Variants in ADGRV1 observed in about 807,000 individuals in gnomAD.
ADGRV1 encodes G-protein coupled receptor 98.
In ADGRV1, 359 loss-of-function variants were observed where a neutral mutation model predicts 596.2. The observed-to-expected ratio is 0.60, with a 90% CI of 0.55 to 0.66. The LOEUF is 0.66. Among genes scored for constraint, ADGRV1 ranks in the 30% least tolerant of loss-of-function variants. The probability of loss-of-function intolerance (pLI) is 0.00; values close to 1 mark genes in which losing one functional copy is unlikely to be tolerated. For missense variants in ADGRV1, 7,274 were observed against 7,575.6 expected, an observed-to-expected ratio of 0.96 and a Z score of 1.48; for synonymous variants, 2,681 against 2,679.2, an observed-to-expected ratio of 1.00 and a Z score of -0.02.
chr5:90,594,873 C>T (rs1038870067), intron 1 of ADGRV1, among the ~76,000 whole-genome samples: 197 of 150,608 alleles, frequency 1.3e-3, no homozygotes, highest in African/African-American at 4.3e-3. Context: ...AAAAGTCTCC[C>T]ATGTCTACTT....
intron 1 of ADGRV1, among the ~76,000 whole-genome samples, chr5:90,579,871 T>A (rs989736779): frequency 1.3e-5 from 2 of 152,230 alleles, no homozygotes; most frequent in African/African-American, 2.4e-5. Flanking sequence ...TGGCCTTCTT[T>A]GTCTCTTTTG....
chr5:90,716,434 T>C (rs1750117829), intron 42 of ADGRV1, 33 bp from the exon 43 acceptor site: 1 of 1,492,686 alleles, frequency 6.7e-7, no homozygotes, highest in East Asian at 2.3e-5. Context: ...TCTTCTATTT[T>C]CATTTGTTGC....
Position 90,840,834 on chromosome 5 carries a change from C to T in ADGRV1, c.16868C>T (p.Ala5623Val). ...GCCAACATCACTCTTGTCTCAGATGCAGATTCGCAGGCCATTTGGGGGCTT... is the reference window on the plus strand; with the variant it reads ...GCCAACATCACTCTTGTCTCAGATGTAGATTCGCAGGCCATTTGGGGGCTT... Reference protein sequence around the residue: ...GTANITLVSDADSQAIWGLAD... With the variant: ...GTANITLVSDVDSQAIWGLAD... Residue 5623 changes from alanine to valine, a missense_variant, in exon 78 of 90, where the codon GCA becomes GTA. This residue lies in a region of ADGRV1 where 1,874 missense variants were observed against 1,970.2 expected (regional missense o/e 0.95). Coordinates refer to ENST00000405460, the MANE Select transcript of ADGRV1 (RefSeq NM_032119.4). 6.2e-7 allele frequency: 1 copy of T among 1,613,526 alleles called. No homozygotes were observed. Among genetic ancestry groups the T allele is most frequent in the Non-Finnish European group, 8.5e-7 (1 of 1,179,528 alleles).
rs1269656595 is a variant in ADGRV1 at position 90,627,641 on chromosome 5, A to G, written c.1103A>G (p.Gln368Arg). 6.2e-7 allele frequency: 1 copy of G among 1,613,778 alleles called. No homozygotes were observed. The highest frequency in any genetic ancestry group is 8.5e-7 in the Non-Finnish European group (1 of 1,179,834). The part of the protein sequence containing the change: ...FHIMLLKDTL[Q>R]GDAVLISPSV... Reference sequence around the variant, plus strand: ...ATTATGTTACTAAAAGATACCTTACAGGGAGATGCTGTGCTAATAAGCCCT... The same window carrying G: ...ATTATGTTACTAAAAGATACCTTACGGGGAGATGCTGTGCTAATAAGCCCT... The change falls in exon 7 of 90, where the codon CAG becomes CGG. Residue 368 changes from glutamine to arginine, a missense_variant. This residue lies in a region of ADGRV1 where 1,715 missense variants were observed against 1,708.8 expected (regional missense o/e 1.00). Transcript: ENST00000405460.
intron 39 of ADGRV1, among the ~76,000 whole-genome samples, chr5:90,709,659 T>C (rs1749075680): frequency 6.6e-6 from 1 of 152,250 alleles, no homozygotes; most frequent in African/African-American, 2.4e-5. Flanking sequence ...AAGCTCACTG[T>C]GATAACTTTG....
chr5:90,809,526 G>A (rs1561778709), intron 73 of ADGRV1, among the ~76,000 whole-genome samples: 1 of 152,130 alleles, frequency 6.6e-6, no homozygotes, highest in Non-Finnish European at 1.5e-5. Context: ...TGTACTGAGT[G>A]CTGGCTGCTT....
At chr5:90,687,888 C>A (rs148882708) in intron 29 of ADGRV1, among the ~76,000 whole-genome samples, 5 of 151,892 alleles carry the variant, frequency 3.3e-5, no homozygotes, top group African/African-American at 1.2e-4. Context: ...CACTGCTCAA[C>A]GAAATAAAAG....
At chr5:90,921,272 ATTTTTTG>A (rs1364396658) in intron 83 of ADGRV1, among the ~76,000 whole-genome samples, 1 of 152,036 alleles carries the variant, frequency 6.6e-6, no homozygotes, top group Non-Finnish European at 1.5e-5. Flanking sequence ...TTTAGCACCT[ATTTTTTG>A]TTTTTTGTTT....
At chr5:90,890,654 C>T (rs1222711278) in intron 83 of ADGRV1, among the ~76,000 whole-genome samples, 1 of 152,094 alleles carries the variant, frequency 6.6e-6, no homozygotes, top group Non-Finnish European at 1.5e-5. Context: ...TACACGCCTC[C>T]TTACATATAA....
At chr5:90,897,154 C>T (rs945365960) in intron 83 of ADGRV1, among the ~76,000 whole-genome samples, 3 of 152,212 alleles carry the variant, frequency 2.0e-5, no homozygotes, top group African/African-American at 7.2e-5. Context: ...GAATACAAAA[C>T]ATCACTGAGC....
intron 77 of ADGRV1, among the ~76,000 whole-genome samples, chr5:90,830,697 G>A (rs1336958070): frequency 6.6e-6 from 1 of 152,126 alleles, no homozygotes; most frequent in Non-Finnish European, 1.5e-5. Flanking sequence ...ATATTTTTAG[G>A]AATTTCCAGT....
At chr5:91,139,127 C>T (rs752761680) in intron 87 of ADGRV1, among the ~76,000 whole-genome samples, 40 of 152,226 alleles carry the variant, frequency 2.6e-4, no homozygotes, top group East Asian at 2.3e-3. Context: ...CTTTCGGTAC[C>T]GCAAAGCATA....
At chr5:90,732,148 G>T (rs917299023) in intron 50 of ADGRV1, among the ~76,000 whole-genome samples, 1 of 152,078 alleles carries the variant, frequency 6.6e-6, no homozygotes, top group Admixed American at 6.6e-5. Flanking sequence ...CTACAGGCAT[G>T]CTCCATCATG....
At chr5:90,767,359 G>A (rs546832182) in intron 59 of ADGRV1, among the ~76,000 whole-genome samples, 9 of 151,814 alleles carry the variant, frequency 5.9e-5, no homozygotes, top group African/African-American at 2.2e-4. Context: ...AAACCAGAAT[G>A]CAATTAATTA....
chr5:90,776,681 A>T, intron 61 of ADGRV1, 105 bp downstream of exon 61: 1 of 1,261,384 alleles, frequency 7.9e-7, no homozygotes, highest in Non-Finnish European at 1.1e-6. Context: ...GTCTTCAAGC[A>T]TTAACATTCT....
chr5:90,825,213 A>G (rs1309704356), intron 76 of ADGRV1, among the ~76,000 whole-genome samples: 2 of 152,210 alleles, frequency 1.3e-5, no homozygotes, highest in Non-Finnish European at 2.9e-5. Context: ...CTGGGATTAC[A>G]GGCATGAGTC....
intron 87 of ADGRV1, among the ~76,000 whole-genome samples, chr5:91,147,803 G>A (rs550794031): frequency 1.3e-5 from 2 of 152,248 alleles, no homozygotes; most frequent in East Asian, 1.9e-4. Flanking sequence ...TAGGTAACAG[G>A]CAGAGGTTGG....
intron 1 of ADGRV1, among the ~76,000 whole-genome samples, chr5:90,610,655 G>A (rs1762627087): frequency 6.6e-6 from 1 of 151,902 alleles, no homozygotes; most frequent in South Asian, 2.1e-4. Context: ...TGTTAGAGTG[G>A]GACAGAGGGG....
chr5:91,068,189 G>A (rs1241724060), intron 85 of ADGRV1, among the ~76,000 whole-genome samples: 1 of 152,090 alleles, frequency 6.6e-6, no homozygotes, highest in East Asian at 1.9e-4. Flanking sequence ...AGGTGCAGTG[G>A]CTCACGCCTA....
Sources: allele counts gnomAD v4.1 joint callset (sites outside exome capture counted in the v4.1 genomes callset), GRCh38; gene constraint gnomAD v4.1.1; regional missense constraint gnomAD v4.1.1; transcripts MANE v1.5; gene names NCBI Gene and HGNC (gene_info 2026-07-23, HGNC 2026-07-21).